Variants in ROR2 observed in about 807,000 individuals in gnomAD.
The protein encoded by ROR2 is ROR family WNT receptor 2.
A neutral mutation model predicts 74.9 loss-of-function variants in ROR2; 33 were observed. The observed-to-expected ratio is 0.44, with a 90% CI of 0.33 to 0.59. The LOEUF (loss-of-function observed/expected upper bound fraction) is 0.59, where lower values mean the gene tolerates loss of function less well. Ranked by LOEUF, ROR2 falls within the 20% of genes least tolerant of loss-of-function variation. ROR2 has a pLI of 0.02. For synonymous variants in ROR2, 586 were observed against 558.7 expected (o/e 1.05, Z -0.69); for missense variants, 1,216 against 1,313.8 (o/e 0.93, Z 1.15).
chr9:91,842,508 T>G (rs1050058719), intron 1 of ROR2, among the ~76,000 whole-genome samples: 1 of 152,234 alleles, frequency 6.6e-6, no homozygotes, highest in African/African-American at 2.4e-5. Context: ...TGCGTTAGTG[T>G]CTCATGCCAG....
chr9:91,902,758 T>C (rs1302310768), intron 1 of ROR2, among the ~76,000 whole-genome samples: 2 of 152,298 alleles, frequency 1.3e-5, no homozygotes, highest in African/African-American at 2.4e-5. Flanking sequence ...GCAAAACAAA[T>C]GACTATTTAA....
At chr9:91,867,656 C>CTGTGTGTGTGTG (rs57475950) in intron 1 of ROR2, among the ~76,000 whole-genome samples, 4,664 of 131,292 alleles carry the variant, frequency 0.036, 158 homozygotes, top group African/African-American at 0.052. Context: ...CACCCATGAG[C>CTGTGTGTGTGTG]TGTGTGTGTG....
At chr9:91,739,513 T>TAA (rs71362359) in intron 4 of ROR2, among the ~76,000 whole-genome samples, 168 of 105,560 alleles carry the variant, frequency 1.6e-3, no homozygotes, top group African/African-American at 4.8e-3. Flanking sequence ...TCTTTAAATT[T>TAA]AAAAAAAAAA....
chr9:91,909,439 T>C (rs1485955180), intron 1 of ROR2, among the ~76,000 whole-genome samples: 1 of 152,004 alleles, frequency 6.6e-6, no homozygotes, highest in Non-Finnish European at 1.5e-5. Context: ...CTCAACCTCC[T>C]GGGCTCAAGC....
At chr9:91,845,756 T>C (rs1040527034) in intron 1 of ROR2, among the ~76,000 whole-genome samples, 10 of 150,892 alleles carry the variant, frequency 6.6e-5, no homozygotes, top group Non-Finnish European at 1.3e-4. Context: ...GTGGCAGGTG[T>C]CTATCATCCC....
chr9:91,784,511 C>T (rs1241523221), intron 1 of ROR2, among the ~76,000 whole-genome samples: 2 of 152,160 alleles, frequency 1.3e-5, no homozygotes, highest in East Asian at 3.8e-4. Flanking sequence ...GGCAGGCAGA[C>T]GTCATCCGTG....
chr9:91,809,797 G>A (rs926907951), intron 1 of ROR2, among the ~76,000 whole-genome samples: 7 of 152,186 alleles, frequency 4.6e-5, no homozygotes, highest in East Asian at 1.9e-4. Context: ...TGAGGCTCCC[G>A]GCTCCACTGC....
At chr9:91,892,590 C>CTTT (rs547073635) in intron 1 of ROR2, among the ~76,000 whole-genome samples, 16 of 105,444 alleles carry the variant, frequency 1.5e-4, no homozygotes, top group East Asian at 2.6e-4. Flanking sequence ...CTTTTCTTTT[C>CTTT]TTTTTTTTTT....
chr9:91,768,449 C>T (rs557599604), intron 2 of ROR2, among the ~76,000 whole-genome samples: 1 of 152,220 alleles, frequency 6.6e-6, no homozygotes, highest in African/African-American at 2.4e-5. Flanking sequence ...CAGACAGAGA[C>T]AGACAGGTGG....
intron 1 of ROR2, among the ~76,000 whole-genome samples, chr9:91,777,431 T>C (rs1826457107): frequency 6.6e-6 from 1 of 151,244 alleles, no homozygotes; most frequent in African/African-American, 2.4e-5. Flanking sequence ...ATCATCATCA[T>C]CAAAATGTTA....
At chr9:91,798,472 T>TGGGTGGGG (rs1827258412) in intron 1 of ROR2, among the ~76,000 whole-genome samples, 1 of 84,412 alleles carries the variant, frequency 1.2e-5, no homozygotes, top group Non-Finnish European at 2.1e-5. Flanking sequence ...CTGGGCTCTG[T>TGGGTGGGG]AGGTGGGGAA....
At chr9:91,795,270 T>C (rs1434037459) in intron 1 of ROR2, among the ~76,000 whole-genome samples, 3 of 152,224 alleles carry the variant, frequency 2.0e-5, no homozygotes, top group East Asian at 3.8e-4. Flanking sequence ...ATATCTTCCA[T>C]CCACCGTCTT....
chr9:91,729,067 C>T (rs1281651192), intron 7 of ROR2, among the ~76,000 whole-genome samples: 1 of 142,772 alleles, frequency 7.0e-6, no homozygotes, highest in African/African-American at 2.6e-5. Flanking sequence ...TTTTTAATTA[C>T]AAAAGTAATT....
chr9:91,735,614 T>A (rs1824993313), intron 5 of ROR2, among the ~76,000 whole-genome samples: 1 of 5,106 alleles, frequency 2.0e-4, no homozygotes, highest in African/African-American at 1.1e-3. Flanking sequence ...AACTTTTTTT[T>A]TTTTTTTTTT....
intron 1 of ROR2, among the ~76,000 whole-genome samples, chr9:91,830,691 A>AG (rs369400961): frequency 8.6e-6 from 1 of 116,254 alleles, no homozygotes; most frequent in African/African-American, 4.4e-5. Context: ...GCCATTAAAA[A>AG]GATAAGAAAG....
At chr9:91,940,473 TAGACAA>T (rs1831819769) in intron 1 of ROR2, among the ~76,000 whole-genome samples, 1 of 152,118 alleles carries the variant, frequency 6.6e-6, no homozygotes, top group Non-Finnish European at 1.5e-5. Flanking sequence ...ATCCAGAAAC[TAGACAA>T]AGACAGAGAT....
chr9:91,870,105 G>T (rs142171098), intron 1 of ROR2, among the ~76,000 whole-genome samples: 2 of 150,284 alleles, frequency 1.3e-5, no homozygotes. Context: ...AAGACATATT[G>T]TTTACATATG....
intron 4 of ROR2, among the ~76,000 whole-genome samples, chr9:91,752,140 G>A (rs1825612644): frequency 6.6e-6 from 1 of 152,236 alleles, no homozygotes; most frequent in African/African-American, 2.4e-5. Flanking sequence ...CTCCCACACT[G>A]TGGGTGGAGG....
chr9:91,948,559 TA>T (rs2118115152), intron 1 of ROR2: 4 of 984,522 alleles, frequency 4.1e-6, no homozygotes, highest in East Asian at 1.1e-4. Context: ...CTGCTTAAAC[TA>T]AAACCCCCCC....
Sources: allele counts gnomAD v4.1 joint callset (sites outside exome capture counted in the v4.1 genomes callset), GRCh38; gene constraint gnomAD v4.1.1; transcripts MANE v1.5; gene names NCBI Gene and HGNC (gene_info 2026-07-23, HGNC 2026-07-21).